The following PP2D1 variants were observed in gnomAD, a reference collection of about 807,000 sequenced individuals.
The protein encoded by PP2D1 is protein phosphatase 2C-like domain-containing protein 1.
PP2D1 carries 25 observed loss-of-function variants against 30.2 expected under a neutral mutation model. The ratio of observed to expected loss-of-function variants is 0.83; its 90% CI spans 0.60 to 1.16. The LOEUF is 1.16. Among genes scored for constraint, PP2D1 ranks in the 50% most tolerant of loss-of-function variants. PP2D1 has a pLI of 0.00. For synonymous variants in PP2D1, 260 were observed against 258.9 expected (o/e 1.00, Z -0.04); for missense variants, 760 against 742.4 (o/e 1.02, Z -0.28).
Position 19,985,600 on chromosome 3 carries a change from G to C in PP2D1, c.1673C>G (p.Thr558Ser), listed in dbSNP as rs1183029142. 1.3e-6 allele frequency: 2 copies of C among 1,535,810 alleles called. No homozygotes were observed. Among genetic ancestry groups the C allele is most frequent in the East Asian group, 2.4e-5 (1 of 40,922 alleles). The change falls in exon 3 of 3, where the codon ACT becomes AGT. Residue 558 changes from threonine (T) to serine (S), a missense_variant. Thr to Ser is a moderately conservative substitution (Grantham distance 58, BLOSUM62 1). This residue lies in a region of PP2D1 where 369 missense variants were observed against 316.2 expected (regional missense o/e 1.17). Transcript: ENST00000389050. Reference protein sequence around the residue: ...ENVETFPAETTHRKPCSEKVT... With the variant: ...ENVETFPAETSHRKPCSEKVT... ...TTTTTCACTGCAAGGTTTACGATGA[G>C]TCGTTTCTGCTGGAAATGTTTCTAC...
At chr3:19,988,658 T>G (rs1697075222) in intron 2 of PP2D1, among the ~76,000 whole-genome samples, 4 of 152,172 alleles carry the variant, frequency 2.6e-5, no homozygotes, top group Admixed American at 2.6e-4. Flanking sequence ...TAATAAAAAC[T>G]TGCTGGTTTT....
chr3:19,986,104 T>C lies in PP2D1; in HGVS notation c.1169A>G (p.Glu390Gly), dbSNP rs1288468081. The C allele has an allele frequency of 2.0e-6, 3 of 1,535,912 alleles. No homozygotes were observed. Among genetic ancestry groups the C allele is most frequent in the Admixed American group, 3.9e-5 (2 of 50,952 alleles). Reference sequence around the variant, plus strand: ...TCCATTCTGAAGTATTCTTCTTCTTTCATTTGTGTTTCGTGTAGTATGTTC... The same window carrying C: ...TCCATTCTGAAGTATTCTTCTTCTTCCATTTGTGTTTCGTGTAGTATGTTC... ...TKEHTTRNTN[E>G]RRRILQNGAV... Residue 390 changes from glutamate to glycine, a missense_variant, in exon 3 of 3, where the codon GAA becomes GGA. Glu to Gly is a moderately conservative substitution (Grantham distance 98, BLOSUM62 -2). Transcript: ENST00000389050.
intron 2 of PP2D1, among the ~76,000 whole-genome samples, chr3:19,987,773 G>C (rs1022253128): frequency 2.0e-5 from 3 of 152,170 alleles, no homozygotes; most frequent in Admixed American, 6.5e-5. Context: ...TTAGTCGGGC[G>C]TTGTTGCGGG....
chr3:19,985,251 TC>T, downstream of PP2D1: 1 of 687,118 alleles, frequency 1.5e-6, no homozygotes, highest in Non-Finnish European at 2.4e-6. Context: ...TGACCTAGTA[TC>T]CGCTTTTATA....
At chr3:19,984,006 TCTCA>T, downstream of PP2D1, 2 of 548,956 alleles carry the variant, frequency 3.6e-6, no homozygotes, top group Non-Finnish European at 6.6e-6. Flanking sequence ...CATGGGTCCC[TCTCA>T]CTAATGTTTC....
chr3:19,984,569 T>G (rs540230533), downstream of PP2D1: 5 of 179,402 alleles, frequency 2.8e-5, no homozygotes, highest in African/African-American at 9.6e-5. Context: ...TGATTTCTAA[T>G]TAATCACCGC....
downstream of PP2D1, among the ~76,000 whole-genome samples, chr3:19,982,057 CAG>C (rs545023073): frequency 1.8e-3 from 266 of 151,460 alleles, 2 homozygotes; most frequent in Middle Eastern, 6.8e-3. Context: ...GCCTGGGCAA[CAG>C]AGCAAGACCC....
chr3:19,980,801 G>A (rs1696911226), downstream of PP2D1, among the ~76,000 whole-genome samples: 1 of 152,172 alleles, frequency 6.6e-6, no homozygotes, highest in Admixed American at 6.5e-5. Context: ...CCCAGAGCCA[G>A]TCCCAGAGAA....
At chr3:20,011,933 G>A in intron 1 of PP2D1, 117 bp downstream of exon 1, 1 of 754,958 alleles carries the variant, frequency 1.3e-6, no homozygotes, top group Admixed American at 2.4e-5. Context: ...AATGTACACA[G>A]TTTAACAGGA....
Position 20,001,696 on chromosome 3 carries a change from G to GT in PP2D1, c.423dup (p.Gln142ThrfsTer7), listed in dbSNP as rs570854355. 9.9e-5 allele frequency: 152 copies of GT among 1,534,296 alleles called. 1 individual carries two copies. In the African/African-American group the frequency reaches 2.0e-3, roughly 20 times the overall value. The stretch of plus-strand genomic sequence containing the variant: ...AAAATCTTATAGTATGCTGGTATTT[G>GT]TTTTTTCCAAAGCAGCTCAAAAGCA... On this transcript the variant is annotated frameshift_variant, in exon 2 of 3. Transcript: ENST00000389050. LOFTEE classifies it high-confidence loss of function.
intron 1 of PP2D1, among the ~76,000 whole-genome samples, chr3:20,003,682 C>T (rs1320441360): frequency 1.3e-5 from 2 of 151,706 alleles, no homozygotes; most frequent in Non-Finnish European, 2.9e-5. Flanking sequence ...AGACAGGAGG[C>T]GGAGGCTGCA....
In PP2D1 at chr3:20,012,086, T is replaced by C; in HGVS notation, c.-14A>G. On this transcript the variant is annotated 5_prime_UTR_variant, in exon 1 of 3. Transcript: ENST00000389050. ...ATTGGTGCTCATGTTCCTTTGGAAT[T>C]ACCTTTCTTTGCCCTCCCTTTATCC... 1 of 1,531,176 alleles carries C rather than the reference T, an allele frequency of 6.5e-7. No individual in the cohort carries two copies. The highest frequency in any genetic ancestry group is 8.7e-7 in the Non-Finnish European group (1 of 1,143,562). 94.8% of individuals were successfully genotyped at this position (1,531,176 alleles called of 1,614,324 possible).
At chr3:19,991,210 A>G (rs915438355) in intron 2 of PP2D1, among the ~76,000 whole-genome samples, 2 of 152,218 alleles carry the variant, frequency 1.3e-5, no homozygotes, top group African/African-American at 4.8e-5. Context: ...TTAAAGTGGC[A>G]TAGTCAGGTA....
At chr3:20,008,615 T>C (rs1044428042) in intron 1 of PP2D1, among the ~76,000 whole-genome samples, 1 of 152,022 alleles carries the variant, frequency 6.6e-6, no homozygotes, top group African/African-American at 2.4e-5. Flanking sequence ...GGGCGGGCGC[T>C]GTAGCTCACA....
At position 20,001,252 on chromosome 3, in the gene PP2D1, A is replaced by G. The variant is rs1697247436; in HGVS notation, c.868T>C (p.Phe290Leu). The G allele has an allele frequency of 6.5e-7, 1 of 1,535,926 alleles. No individual in the cohort carries two copies. Among genetic ancestry groups the G allele is most frequent in the South Asian group, 1.2e-5 (1 of 84,044 alleles). The change falls in exon 2 of 3, where the codon TTT becomes CTT. Residue 290 changes from phenylalanine to leucine, a missense_variant. By Grantham distance (22) the Phe-to-Leu change is conservative. Transcript: ENST00000389050. ...CCTAAAAGCCTATCCATTCTCCAAA[A>G]TGCTTTTGCAAAGGCTTTGTGTGTG... ...EDTHKAFAKA[F>L]WRMDRLLGLG...
chr3:19,982,631 T>A (rs1696951027), downstream of PP2D1, among the ~76,000 whole-genome samples: 1 of 152,020 alleles, frequency 6.6e-6, no homozygotes, highest in African/African-American at 2.4e-5. Flanking sequence ...GAAGAGTTGC[T>A]TGAGCCCAAG....
At chr3:19,984,642 A>G (rs756691250), downstream of PP2D1, 20 of 160,976 alleles carry the variant, frequency 1.2e-4, no homozygotes, top group Non-Finnish European at 2.7e-4. Flanking sequence ...TTTTGACATA[A>G]TATAGTCAAT....
At chr3:19,983,780 C>T, downstream of PP2D1, 1 of 1,612,204 alleles carries the variant, frequency 6.2e-7, no homozygotes, top group Non-Finnish European at 8.5e-7. Context: ...GTAGACCTTA[C>T]CGAACCCACA....
intron 2 of PP2D1, among the ~76,000 whole-genome samples, chr3:19,987,831 A>G (rs867840067): frequency 9.2e-5 from 14 of 152,242 alleles, no homozygotes; most frequent in Non-Finnish European, 2.1e-4. Context: ...ATGGCAGAAG[A>G]ACATAAATTG....
Sources: gnomAD v4.1 joint callset for allele counts (sites outside exome capture counted in the v4.1 genomes callset) on GRCh38, gnomAD v4.1.1 for gene constraint, gnomAD v4.1.1 regional missense constraint, MANE v1.5 for transcripts, NCBI Gene and HGNC (gene_info 2026-07-23, HGNC 2026-07-21) for gene names.